The following STAP1 variants were observed in gnomAD, a reference collection of about 807,000 sequenced individuals.
STAP1 encodes signal-transducing adaptor protein 1.
STAP1 carries 30 observed loss-of-function variants against 37.8 expected under a neutral mutation model. The observed-to-expected ratio is 0.79, with a 90% CI of 0.59 to 1.08. The LOEUF (loss-of-function observed/expected upper bound fraction) is 1.08, where lower values mean the gene tolerates loss of function less well. Ranked by LOEUF, STAP1 falls within the 50% of genes least tolerant of loss-of-function variation. The pLI is 0.00. For missense variants in STAP1, 357 were observed against 349.4 expected (o/e 1.02, Z -0.17); for synonymous variants, 130 against 116.0 (o/e 1.12, Z -0.78).
At chr4:67,600,218 C>A (rs1728310933) in intron 8 of STAP1, among the ~76,000 whole-genome samples, 1 of 152,072 alleles carries the variant, frequency 6.6e-6, no homozygotes, top group Admixed American at 6.6e-5. Flanking sequence ...TGATTTGTTT[C>A]AAGAAATTTT....
At chr4:67,588,915 T>A (rs1728059890) in intron 6 of STAP1, among the ~76,000 whole-genome samples, 1 of 152,104 alleles carries the variant, frequency 6.6e-6, no homozygotes, top group Non-Finnish European at 1.5e-5. Context: ...GTAGTAAAAA[T>A]GGTTATAATT....
At chr4:67,604,473 T>C (rs577311384) in intron 8 of STAP1, among the ~76,000 whole-genome samples, 6 of 152,280 alleles carry the variant, frequency 3.9e-5, no homozygotes, top group African/African-American at 9.6e-5. Flanking sequence ...CCTCTCTCCA[T>C]TGGGTTTTTA....
chr4:67,605,083 C>T (rs1229372556), intron 8 of STAP1, among the ~76,000 whole-genome samples: 7 of 152,158 alleles, frequency 4.6e-5, no homozygotes, highest in East Asian at 1.9e-4. Context: ...TCCATACTCT[C>T]GAGCCGCCAA....
chr4:67,603,841 G>C (rs1056030474), intron 8 of STAP1, among the ~76,000 whole-genome samples: 3 of 151,944 alleles, frequency 2.0e-5, no homozygotes, highest in Admixed American at 1.3e-4. Flanking sequence ...GATTGGGGGA[G>C]GGGTGCCACA....
At chr4:67,581,232 C>A (rs1727847416) in intron 4 of STAP1, 73 bp from the exon 5 acceptor site, 1 of 1,452,502 alleles carries the variant, frequency 6.9e-7, no homozygotes, top group Non-Finnish European at 9.4e-7. Context: ...AGGACCAGAA[C>A]AGGGTCGTCT....
At chr4:67,587,803 T>C (rs35100791) in intron 6 of STAP1, among the ~76,000 whole-genome samples, 67,885 of 148,378 alleles carry the variant, frequency 0.46, 16,912 homozygotes, top group Non-Finnish European at 0.58. Flanking sequence ...TCACCACAAC[T>C]TCCACCTCCC....
At chr4:67,598,765 A>C (rs1028727932) in intron 8 of STAP1, among the ~76,000 whole-genome samples, 1 of 151,970 alleles carries the variant, frequency 6.6e-6, no homozygotes, top group East Asian at 1.9e-4. Context: ...TTTGTTGTGC[A>C]GAAGATTTTT....
At chr4:67,572,571 G>A (rs886555708) in intron 2 of STAP1, among the ~76,000 whole-genome samples, 2 of 152,162 alleles carry the variant, frequency 1.3e-5, no homozygotes, top group Admixed American at 6.5e-5. Flanking sequence ...CTCTCCTGCC[G>A]CAGAGTGTTG....
intron 6 of STAP1, among the ~76,000 whole-genome samples, chr4:67,587,826 T>C (rs1193413311): frequency 1.3e-5 from 2 of 150,970 alleles, no homozygotes; most frequent in African/African-American, 4.9e-5. Flanking sequence ...GTTCAAGCAA[T>C]TCTCCTGCCT....
At chr4:67,588,340 T>C (rs972018200) in intron 6 of STAP1, among the ~76,000 whole-genome samples, 16 of 114,678 alleles carry the variant, frequency 1.4e-4, no homozygotes, top group Non-Finnish European at 2.6e-4. Flanking sequence ...AGCTTTGCCA[T>C]AGACGACGAC....
At chr4:67,580,277 C>T (rs34511365) in intron 4 of STAP1, among the ~76,000 whole-genome samples, 74,561 of 152,004 alleles carry the variant, frequency 0.49, 20,017 homozygotes, top group Non-Finnish European at 0.62. Context: ...CCCATTATTT[C>T]ATTTTTTTCT....
intron 1 of STAP1, among the ~76,000 whole-genome samples, chr4:67,569,105 T>C (rs1727540949): frequency 6.6e-6 from 1 of 152,236 alleles, no homozygotes; most frequent in South Asian, 2.1e-4. Context: ...CTATATGATA[T>C]AGCCTATTGC....
chr4:67,580,446 G>A (rs576263266), intron 4 of STAP1, among the ~76,000 whole-genome samples: 2 of 152,106 alleles, frequency 1.3e-5, no homozygotes, highest in African/African-American at 4.8e-5. Context: ...TAGTGAAATA[G>A]TAACTTAATA....
rs777354386 is a variant in STAP1, at chr4:67,558,828, C to A, written c.19C>A (p.Pro7Thr). Reference protein sequence around the residue: MMAKKPPKPAPRRIFQE... With the variant: MMAKKPTKPAPRRIFQE... ...GAGGGGTATGATGGCTAAGAAGCCC[C>A]CAAAACCAGCCCCTCGCAGGATCTT... Residue 7 changes from proline (P) to threonine (T), a missense_variant, in exon 1 of 9, where the codon CCA (proline) becomes ACA (threonine). By Grantham distance (38) the Pro-to-Thr change is conservative. Coordinates refer to ENST00000265404, the MANE Select transcript of STAP1 (RefSeq NM_012108.4). 41 of 1,613,004 alleles carry A rather than the reference C, an allele frequency of 2.5e-5. No homozygotes were observed. The highest frequency in any genetic ancestry group is 3.4e-5 in the Non-Finnish European group (40 of 1,179,402).
At chr4:67,591,869 T>C (rs745363412) in intron 7 of STAP1, among the ~76,000 whole-genome samples, 34 of 152,300 alleles carry the variant, frequency 2.2e-4, no homozygotes, top group Middle Eastern at 3.4e-3. Context: ...CATTCCTGAC[T>C]AGACTTTTAA....
chr4:67,601,669 CA>C (rs1191214185), intron 8 of STAP1, among the ~76,000 whole-genome samples: 1 of 152,186 alleles, frequency 6.6e-6, no homozygotes, highest in African/African-American at 2.4e-5. Context: ...TTAAATATGT[CA>C]TGCTCCCCTG....
At chr4:67,561,471 T>A (rs953233457) in intron 1 of STAP1, among the ~76,000 whole-genome samples, 2 of 152,184 alleles carry the variant, frequency 1.3e-5, no homozygotes, top group Non-Finnish European at 2.9e-5. Flanking sequence ...TTCTTAGCTA[T>A]TTTTTGTGGG....
chr4:67,586,490 T>A (rs1727982635), intron 6 of STAP1, among the ~76,000 whole-genome samples: 1 of 152,016 alleles, frequency 6.6e-6, no homozygotes, highest in Non-Finnish European at 1.5e-5. Context: ...AAACTGCATA[T>A]TTCTTGCACA....
At chr4:67,605,549 A>C (rs1358286668) in intron 8 of STAP1, among the ~76,000 whole-genome samples, 2 of 152,204 alleles carry the variant, frequency 1.3e-5, no homozygotes, top group East Asian at 3.8e-4. Context: ...GGAATGACAT[A>C]AGAACAGATG....
Sources: gnomAD v4.1 joint callset for allele counts (sites outside exome capture counted in the v4.1 genomes callset) on GRCh38, gnomAD v4.1.1 for gene constraint, MANE v1.5 for transcripts, NCBI Gene and HGNC (gene_info 2026-07-23, HGNC 2026-07-21) for gene names.